The following DNAH7 variants were observed in gnomAD, a reference collection of about 807,000 sequenced individuals.
The protein encoded by DNAH7 is axonemal beta dynein heavy chain 7.
DNAH7 carries 397 observed loss-of-function variants against 444.6 expected under a neutral mutation model. The ratio of observed to expected loss-of-function variants is 0.89; its 90% CI spans 0.82 to 0.97. The LOEUF is 0.97. Among genes scored for constraint, DNAH7 ranks in the 50% least tolerant of loss-of-function variants. The pLI is 0.00. For missense variants in DNAH7, 4,902 were observed against 4,800.8 expected (o/e 1.02, Z -0.62); for synonymous variants, 1,636 against 1,624.4 (o/e 1.01, Z -0.17).
At chr2:196,054,548 T>G (rs919348189) in intron 2 of DNAH7, among the ~76,000 whole-genome samples, 5 of 152,038 alleles carry the variant, frequency 3.3e-5, no homozygotes, top group African/African-American at 1.2e-4. Context: ...TTCTGATATA[T>G]GAATTATGTG....
intron 48 of DNAH7, among the ~76,000 whole-genome samples, chr2:195,828,416 C>T (rs1668171047): frequency 1.3e-5 from 2 of 151,570 alleles, no homozygotes; most frequent in Non-Finnish European, 2.9e-5. Context: ...AACCCTGTCT[C>T]TACTAAAAAT....
chr2:195,766,010 G>C (rs1457555464), intron 61 of DNAH7, among the ~76,000 whole-genome samples: 1 of 151,676 alleles, frequency 6.6e-6, no homozygotes, highest in Non-Finnish European at 1.5e-5. Flanking sequence ...AAGAAAACGT[G>C]GTACTTATAC....
chr2:195,837,866 C>T (rs191232994), intron 47 of DNAH7, among the ~76,000 whole-genome samples: 351 of 152,054 alleles, frequency 2.3e-3, no homozygotes, highest in Non-Finnish European at 3.6e-3. Flanking sequence ...TACCACTTTG[C>T]CCCCAGTGTT....
intron 12 of DNAH7, chr2:195,998,932 A>C (rs908265436): frequency 5.4e-5 from 28 of 514,746 alleles, no homozygotes; most frequent in Admixed American, 1.0e-4. Context: ...GAGAGAAAGC[A>C]TGAGTTGAAA....
intron 21 of DNAH7, among the ~76,000 whole-genome samples, chr2:195,930,334 C>T (rs1203367574): frequency 1.3e-5 from 2 of 151,374 alleles, no homozygotes; most frequent in Non-Finnish European, 2.9e-5. Flanking sequence ...GAGCGAGACA[C>T]CGCCTCAAAA....
intron 42 of DNAH7, 77 bp from the exon 43 acceptor site, chr2:195,858,881 AGCTTTCTAG>A: frequency 7.9e-7 from 1 of 1,272,012 alleles, no homozygotes; most frequent in South Asian, 1.5e-5. Flanking sequence ...AGTGTTTCTG[AGCTTTCTAG>A]GCTTTTTCAA....
At chr2:195,834,863 C>A (rs1451876739) in intron 47 of DNAH7, among the ~76,000 whole-genome samples, 4 of 152,082 alleles carry the variant, frequency 2.6e-5, no homozygotes, top group Non-Finnish European at 5.9e-5. Context: ...AACGGCCTAA[C>A]AAAAAGGTAA....
intron 17 of DNAH7, among the ~76,000 whole-genome samples, chr2:195,967,383 G>A (rs1691553415): frequency 6.6e-6 from 1 of 152,044 alleles, no homozygotes; most frequent in Non-Finnish European, 1.5e-5. Context: ...TAAGACATGA[G>A]TAGTTTACAT....
intron 51 of DNAH7, among the ~76,000 whole-genome samples, chr2:195,812,173 G>C (rs1281634282): frequency 6.6e-6 from 1 of 151,950 alleles, no homozygotes; most frequent in Admixed American, 6.6e-5. Flanking sequence ...GTTTCCAACC[G>C]ATCAGCATGC....
chr2:195,962,825 G>A (rs1691201374), intron 17 of DNAH7, among the ~76,000 whole-genome samples: 1 of 151,958 alleles, frequency 6.6e-6, no homozygotes, highest in Non-Finnish European at 1.5e-5. Context: ...GAGTTCAATT[G>A]TTTTACTTTT....
intron 1 of DNAH7, among the ~76,000 whole-genome samples, chr2:196,067,811 G>T (rs77890012): frequency 0.06 from 9,073 of 152,266 alleles, 372 homozygotes; most frequent in Middle Eastern, 0.092. Flanking sequence ...AATGAAATTT[G>T]CAGGCTTAAA....
At chr2:195,919,570 C>T (rs1028411497) in intron 24 of DNAH7, among the ~76,000 whole-genome samples, 1 of 152,144 alleles carries the variant, frequency 6.6e-6, no homozygotes, top group Non-Finnish European at 1.5e-5. Flanking sequence ...GTCTCAAATT[C>T]CTGGGCTCAA....
chr2:195,794,936 T>C (rs779704262), intron 56 of DNAH7, among the ~76,000 whole-genome samples: 20 of 152,308 alleles, frequency 1.3e-4, no homozygotes, highest in Non-Finnish European at 2.5e-4. Context: ...TGTAGCCAGG[T>C]TGTGAGAATA....
intron 30 of DNAH7, chr2:195,893,266 ACT>A (rs1406363087): frequency 6.6e-6 from 1 of 151,524 alleles, no homozygotes; most frequent in Non-Finnish European, 1.5e-5. Flanking sequence ...TAATCTTCTC[ACT>A]CTGTCACCCA....
chr2:195,989,145 C>A (rs183316046), intron 12 of DNAH7, among the ~76,000 whole-genome samples: 38 of 152,242 alleles, frequency 2.5e-4, no homozygotes, highest in African/African-American at 7.7e-4. Context: ...CTGTAATAAA[C>A]ATGGGAGTGC....
rs754467112 is a variant in DNAH7 at position 195,794,411 on chromosome 2, C to T, written c.10643G>A (p.Arg3548Gln). Residue 3548 changes from arginine to glutamine, a missense_variant, in exon 57 of 65, where the codon CGG (arginine) becomes CAG (glutamine). Arg to Gln is a conservative substitution (Grantham distance 43, BLOSUM62 1). Coordinates refer to ENST00000312428, the MANE Select transcript of DNAH7 (RefSeq NM_018897.3). ...KMTNEAPKGL[R>Q]ANIIRSYLMD... The stretch of plus-strand genomic sequence containing the variant: ...GAGGTATGATCGAATGATATTAGCC[C>T]GTAAACCTTTTGGTGCTTCATTGGT... The T allele has an allele frequency of 5.6e-6, 9 of 1,614,088 alleles. No homozygotes were observed. The highest frequency in any genetic ancestry group is 4.4e-5 in the South Asian group (4 of 91,080).
chr2:195,934,111 T>C (rs1688886069), intron 21 of DNAH7, among the ~76,000 whole-genome samples: 1 of 151,838 alleles, frequency 6.6e-6, no homozygotes, highest in Admixed American at 6.6e-5. Context: ...GCTCACAGTA[T>C]GTTTCATGAA....
chr2:195,852,913 C>CAGAGAGAGAG (rs909240212), intron 46 of DNAH7, among the ~76,000 whole-genome samples: 11 of 134,710 alleles, frequency 8.2e-5, no homozygotes, highest in Middle Eastern at 3.7e-3. Context: ...CACACACACA[C>CAGAGAGAGAG]ACAGAGAGAG....
At chr2:195,920,574 T>C (rs1687961668) in intron 24 of DNAH7, among the ~76,000 whole-genome samples, 1 of 152,206 alleles carries the variant, frequency 6.6e-6, no homozygotes, top group Non-Finnish European at 1.5e-5. Context: ...CAACTCAAGA[T>C]GGATCAAAGA....
Sources: gnomAD v4.1 joint callset for allele counts (sites outside exome capture counted in the v4.1 genomes callset) on GRCh38, gnomAD v4.1.1 for gene constraint, MANE v1.5 for transcripts, NCBI Gene and HGNC (gene_info 2026-07-23, HGNC 2026-07-21) for gene names.